The following DTNB variants were observed in gnomAD, a reference collection of about 807,000 sequenced individuals.
DTNB encodes DTN-B.
A neutral mutation model predicts 90.7 loss-of-function variants in DTNB; 63 were observed. That is an observed-to-expected ratio of 0.69 (90% CI 0.57 to 0.86). The LOEUF (loss-of-function observed/expected upper bound fraction) is 0.86, where lower values mean the gene tolerates loss of function less well. DTNB is among the 40% of genes least tolerant of loss of function. The probability of loss-of-function intolerance (pLI) is 0.00; values close to 1 mark genes in which losing one functional copy is unlikely to be tolerated. For missense variants in DTNB, 744 were observed against 807.1 expected (o/e 0.92, Z 0.95); for synonymous variants, 277 against 286.7 (o/e 0.97, Z 0.34).
intron 4 of DTNB, among the ~76,000 whole-genome samples, chr2:25,616,075 A>T (rs2070378786): frequency 6.6e-6 from 1 of 152,198 alleles, no homozygotes; most frequent in Non-Finnish European, 1.5e-5. Context: ...CAGTTGTGTA[A>T]ATCTTTCTGG....
intron 9 of DTNB, among the ~76,000 whole-genome samples, chr2:25,530,072 A>T (rs1186356045): frequency 6.6e-6 from 1 of 152,210 alleles, no homozygotes; most frequent in East Asian, 1.9e-4. Context: ...TAATTATGAA[A>T]AACAGGGATG....
intron 8 of DTNB, among the ~76,000 whole-genome samples, chr2:25,560,230 G>C (rs887663441): frequency 6.6e-6 from 1 of 152,350 alleles, no homozygotes; most frequent in East Asian, 1.9e-4. Flanking sequence ...GTGACAAAGT[G>C]AGACTCCGTC....
chr2:25,534,133 A>G (rs2078865073), intron 8 of DTNB, among the ~76,000 whole-genome samples: 1 of 152,148 alleles, frequency 6.6e-6, no homozygotes, highest in South Asian at 2.1e-4. Flanking sequence ...TCCTAGGCAG[A>G]GGTCCCTGCG....
chr2:25,605,186 C>T (rs909616811), intron 5 of DTNB, among the ~76,000 whole-genome samples: 10 of 152,212 alleles, frequency 6.6e-5, no homozygotes, highest in African/African-American at 2.4e-4. Flanking sequence ...AACAGACCTA[C>T]AACTAGCAGA....
intron 9 of DTNB, among the ~76,000 whole-genome samples, chr2:25,520,996 T>C (rs1406029081): frequency 1.3e-5 from 2 of 152,224 alleles, no homozygotes; most frequent in African/African-American, 2.4e-5. Context: ...ACATGCTATA[T>C]ATTTATGTAT....
intron 10 of DTNB, among the ~76,000 whole-genome samples, chr2:25,463,500 T>C (rs2061331066): frequency 6.6e-6 from 1 of 152,228 alleles, no homozygotes; most frequent in Non-Finnish European, 1.5e-5. Flanking sequence ...TTTGGGGTGA[T>C]GAAAATGTTC....
At chr2:25,572,104 A>G (rs2059957476) in intron 8 of DTNB, among the ~76,000 whole-genome samples, 1 of 152,192 alleles carries the variant, frequency 6.6e-6, no homozygotes, top group Admixed American at 6.5e-5. Flanking sequence ...ATCTCTGGAT[A>G]TGGCACAGTC....
rs557569329 is a variant in DTNB at position 25,487,404 on chromosome 2, A to C, written c.1002-4531T>G. Reference sequence around the variant, plus strand: ...AGGCATTGTGTTAGGTATTACAAGTACTCTAGAGAGGACTTAAAGTATATG... The same window carrying C: ...AGGCATTGTGTTAGGTATTACAAGTCCTCTAGAGAGGACTTAAAGTATATG... On this transcript the variant is annotated intron_variant, in intron 9 of 20. Transcript: ENST00000406818. Among the ~76,000 whole-genome samples the C allele has an allele frequency of 5.9e-5, 9 of 152,336 alleles. No individual in the cohort carries two copies. The South Asian group carries it at 1.9e-3, about 32-fold the overall frequency.
intron 6 of DTNB, among the ~76,000 whole-genome samples, chr2:25,594,479 T>C (rs1289620889): frequency 2.0e-5 from 3 of 152,198 alleles, no homozygotes; most frequent in Non-Finnish European, 2.9e-5. Flanking sequence ...TAAATACTAT[T>C]TGAAAGTCTG....
intron 1 of DTNB, among the ~76,000 whole-genome samples, chr2:25,658,004 C>G (rs1163549009): frequency 6.6e-6 from 1 of 152,108 alleles, no homozygotes; most frequent in Non-Finnish European, 1.5e-5. Context: ...CACCCGTAAT[C>G]CCAGCACTTT....
chr2:25,577,784 C>T (rs575687582), intron 7 of DTNB, among the ~76,000 whole-genome samples: 13 of 152,022 alleles, frequency 8.6e-5, no homozygotes, highest in Non-Finnish European at 1.5e-4. Flanking sequence ...GGGCAGATCA[C>T]GAGGTCAGGA....
intron 9 of DTNB, among the ~76,000 whole-genome samples, chr2:25,498,365 C>G (rs2150535006): frequency 6.6e-6 from 1 of 152,048 alleles, no homozygotes; most frequent in East Asian, 1.9e-4. Context: ...AAACTAAGAG[C>G]CTAAAATAAA....
chr2:25,670,112 TGTAGTA>T (rs1219523041), intron 1 of DTNB, among the ~76,000 whole-genome samples: 2 of 152,134 alleles, frequency 1.3e-5, no homozygotes, highest in African/African-American at 4.8e-5. Context: ...TAAGAGATTG[TGTAGTA>T]GTTAAGAAGA....
rs747175337 is a variant in DTNB at position 25,407,040 on chromosome 2, T to A, written c.1575+12475A>T. Reference sequence around the variant, plus strand: ...CATAATAATAAAAGTACTGAAGGGTTTATGGTTAGCCATCTGTGCAGAGCT... The same window carrying A: ...CATAATAATAAAAGTACTGAAGGGTATATGGTTAGCCATCTGTGCAGAGCT... On this transcript the variant is annotated intron_variant, in intron 16 of 20. Transcript: ENST00000406818. 2.0e-5 allele frequency among the ~76,000 whole-genome samples: 3 copies of A among 152,314 alleles called. No homozygotes were observed. In the East Asian group the frequency reaches 5.8e-4, roughly 29 times the overall value.
chr2:25,481,962 T>C (rs549801753), intron 10 of DTNB: 37 of 152,350 alleles, frequency 2.4e-4, no homozygotes, highest in Admixed American at 5.9e-4. Context: ...AAAATTTCTA[T>C]AGCATTTCTA....
intron 8 of DTNB, among the ~76,000 whole-genome samples, chr2:25,543,803 C>T (rs1451775793): frequency 1.3e-5 from 2 of 151,840 alleles, no homozygotes; most frequent in Non-Finnish European, 2.9e-5. Flanking sequence ...TTTGAGTTTA[C>T]TCTTCTAGCA....
intron 8 of DTNB, among the ~76,000 whole-genome samples, chr2:25,561,702 G>A (rs1385419303): frequency 6.6e-6 from 1 of 152,060 alleles, no homozygotes; most frequent in African/African-American, 2.4e-5. Context: ...TCCCCCTCTT[G>A]CCCCTGCTCT....
intron 6 of DTNB, among the ~76,000 whole-genome samples, chr2:25,581,515 A>G (rs960111344): frequency 2.6e-5 from 4 of 152,192 alleles, no homozygotes; most frequent in Non-Finnish European, 5.9e-5. Flanking sequence ...CCCTAGCTAG[A>G]CTGCATTTTT....
At chr2:25,558,378 T>G (rs913169938) in intron 8 of DTNB, 1 of 985,370 alleles carries the variant, frequency 1.0e-6, no homozygotes, top group Non-Finnish European at 1.2e-6. Context: ...AAGCAGAAGA[T>G]GCACTCTCCA....
Sources: allele counts gnomAD v4.1 joint callset (sites outside exome capture counted in the v4.1 genomes callset), GRCh38; gene constraint gnomAD v4.1.1; transcripts MANE v1.5; gene names NCBI Gene and HGNC (gene_info 2026-07-23, HGNC 2026-07-21).